KLHL32: variants seen among roughly 807,000 people sequenced by gnomAD.
The protein encoded by KLHL32 is kelch-like protein 32.
KLHL32 carries 35 observed loss-of-function variants against 64.8 expected under a neutral mutation model. The observed-to-expected ratio is 0.54, with a 90% confidence interval of 0.41 to 0.72. The LOEUF (loss-of-function observed/expected upper bound fraction) is 0.72, where lower values mean the gene tolerates loss of function less well. KLHL32 is among the 30% of genes least tolerant of loss of function. The pLI is 0.00. For missense variants in KLHL32, 589 were observed against 768.5 expected (o/e 0.77, Z 2.76); for synonymous variants, 259 against 281.0 (o/e 0.92, Z 0.78).
In KLHL32 at chr6:96,933,792, A is replaced by G. The variant is rs569476836; in HGVS notation, c.-66+8766A>G. Among the ~76,000 whole-genome samples the G allele has an allele frequency of 5.3e-4, 80 of 152,308 alleles. 2 individuals carry two copies. Among genetic ancestry groups the G allele is most frequent in the Non-Finnish European group, 9.6e-4 (65 of 68,022 alleles). On this transcript the variant is annotated intron_variant, in intron 1 of 10. Coordinates refer to ENST00000369261, the MANE Select transcript of KLHL32 (RefSeq NM_052904.4). ...GGTTAATAAGGCCTTTTCTTTAGGC[A>G]GCAGTCACTCATGGTGGCTTGAGTC...
chr6:97,055,409 T>C (rs1787636220), intron 4 of KLHL32, among the ~76,000 whole-genome samples: 2 of 152,106 alleles, frequency 1.3e-5, no homozygotes, highest in South Asian at 4.1e-4. Context: ...CCAGATCCAC[T>C]CCCTCCGACT....
At chr6:97,011,809 T>C (rs1175629767) in intron 3 of KLHL32, among the ~76,000 whole-genome samples, 1 of 152,180 alleles carries the variant, frequency 6.6e-6, no homozygotes, top group East Asian at 1.9e-4. Flanking sequence ...AAGGAAATAA[T>C]GATTGTTATT....
chr6:97,037,614 G>A (rs143981124), intron 3 of KLHL32, among the ~76,000 whole-genome samples: 1,939 of 152,134 alleles, frequency 0.013, 16 homozygotes, highest in Non-Finnish European at 0.02. Context: ...ATCCAAAGTA[G>A]TTTACAGATT....
chr6:96,981,552 C>T (rs1776313852), intron 3 of KLHL32, among the ~76,000 whole-genome samples: 1 of 152,016 alleles, frequency 6.6e-6, no homozygotes, highest in South Asian at 2.1e-4. Context: ...CAATTTCCTT[C>T]AGTTCAGCAT....
chr6:97,034,570 G>A (rs1264268273), intron 3 of KLHL32, among the ~76,000 whole-genome samples: 1 of 151,670 alleles, frequency 6.6e-6, no homozygotes, highest in Non-Finnish European at 1.5e-5. Context: ...TTTTGATAGG[G>A]GTTGTGTTGA....
At chr6:97,022,514 G>C (rs1463579073) in intron 3 of KLHL32, among the ~76,000 whole-genome samples, 1 of 146,220 alleles carries the variant, frequency 6.8e-6, no homozygotes, top group Non-Finnish European at 1.5e-5. Context: ...TTGTTGCCCA[G>C]GCTGGAGTGC....
chr6:97,027,045 C>T (rs1198697115), intron 3 of KLHL32, among the ~76,000 whole-genome samples: 1 of 151,736 alleles, frequency 6.6e-6, no homozygotes, highest in Non-Finnish European at 1.5e-5. Flanking sequence ...ACCTGTAGTC[C>T]CAGCTACTCG....
rs76984995 is a variant in KLHL32, at chr6:97,108,189, A to G, written c.628-5594A>G. On this transcript the variant is annotated intron_variant, in intron 6 of 10. Transcript: ENST00000369261. ...CTTTTCCACTCTTGCTGGCTTGGCC[A>G]CCAAAAATGCTGCATGCTCCATTTT... Among the ~76,000 whole-genome samples, 497 of 152,266 alleles carry G rather than the reference A, an allele frequency of 3.3e-3. 3 individuals carry two copies. The highest frequency in any genetic ancestry group is 0.011 in the African/African-American group (470 of 41,538).
At chr6:97,075,275 C>T (rs1331924547) in intron 5 of KLHL32, among the ~76,000 whole-genome samples, 1 of 152,116 alleles carries the variant, frequency 6.6e-6, no homozygotes, top group Non-Finnish European at 1.5e-5. Flanking sequence ...CAAATTGTAT[C>T]ATATACATAT....
intron 3 of KLHL32, among the ~76,000 whole-genome samples, chr6:96,999,848 T>C (rs1778822128): frequency 1.3e-5 from 2 of 152,190 alleles, no homozygotes; most frequent in South Asian, 2.1e-4. Context: ...TTCATAGACA[T>C]TTACCGAGCG....
At chr6:97,085,929 C>A (rs1793349084) in intron 6 of KLHL32, among the ~76,000 whole-genome samples, 1 of 152,186 alleles carries the variant, frequency 6.6e-6, no homozygotes, top group Admixed American at 6.5e-5. Context: ...GCTCCCTTGT[C>A]TAGAGGACAG....
chr6:96,911,816 C>T, the KLHL32 span, among the ~76,000 whole-genome samples: 4 of 77,412 alleles, frequency 5.2e-5, no homozygotes, highest in South Asian at 4.5e-4. Context: ...TCTCCCTGCT[C>T]GGTCCTTCTT....
intron 3 of KLHL32, among the ~76,000 whole-genome samples, chr6:97,037,332 T>C (rs1784443846): frequency 2.6e-5 from 4 of 152,090 alleles, no homozygotes; most frequent in African/African-American, 9.7e-5. Flanking sequence ...CAAGGAATAA[T>C]GGGTCATCAG....
intron 6 of KLHL32, among the ~76,000 whole-genome samples, chr6:97,101,811 C>A (rs1331999852): frequency 2.6e-5 from 4 of 152,162 alleles, no homozygotes; most frequent in African/African-American, 7.2e-5. Context: ...TACTGTATAG[C>A]AAATTTCTTA....
rs79286874 is a variant in KLHL32, at chr6:96,957,324, G to A, written c.-65-9672G>A. Among the ~76,000 whole-genome samples the A allele has an allele frequency of 9.7e-3, 1,474 of 152,236 alleles. 35 individuals are homozygous for A. Among genetic ancestry groups the A allele is most frequent in the African/African-American group, 0.034 (1,414 of 41,542 alleles). On this transcript the variant is annotated intron_variant, in intron 1 of 10. Transcript: ENST00000369261. ...TAAAAGGCAAAAATTAATCACTGGA[G>A]AATGGTCATTTGCTATTGGATTAAG...
intron 3 of KLHL32, among the ~76,000 whole-genome samples, chr6:97,004,605 A>T (rs1455970912): frequency 6.6e-6 from 1 of 151,842 alleles, no homozygotes; most frequent in Non-Finnish European, 1.5e-5. Flanking sequence ...ATGTTTGCTG[A>T]GGGTTTGTTG....
the KLHL32 span, among the ~76,000 whole-genome samples, chr6:96,916,304 TC>T: frequency 3.9e-5 from 6 of 152,196 alleles, no homozygotes; most frequent in African/African-American, 1.4e-4. Flanking sequence ...AGTTAGGTTT[TC>T]AATCTTGTCT....
chr6:96,976,168 C>G lies in KLHL32; in HGVS notation c.195C>G (p.Asp65Glu), dbSNP rs1562207126. 1.9e-6 allele frequency: 3 copies of G among 1,559,448 alleles called. No homozygotes were observed. The highest frequency in any genetic ancestry group is 2.6e-6 in the Non-Finnish European group (3 of 1,146,018). Residue 65 changes from aspartate (D) to glutamate (E), a missense_variant, in exon 3 of 11, where the codon GAC (aspartate) becomes GAG (glutamate). By Grantham distance (45) the Asp-to-Glu change is conservative. Around this residue, in one of 3 missense-constraint regions of KLHL32, gnomAD observed 191 missense variants for 223.3 expected, o/e 0.86. Transcript: ENST00000369261. The part of the protein sequence containing the change: ...AHKAVLAACS[D>E]YFRAMFSLCM... ...AGGCAGTCCTAGCAGCATGCAGTGA[C>G]TATTTCCGGGTAAGTCAGCATTGTT...
At chr6:96,905,714 A>G in the KLHL32 span, among the ~76,000 whole-genome samples, 3 of 152,358 alleles carry the variant, frequency 2.0e-5, no homozygotes, top group Admixed American at 2.0e-4. Flanking sequence ...TTTATATAAC[A>G]AAATACTAAT....
Sources: gnomAD v4.1 joint callset for allele counts (sites outside exome capture counted in the v4.1 genomes callset) on GRCh38, gnomAD v4.1.1 for gene constraint, gnomAD v4.1.1 regional missense constraint, MANE v1.5 for transcripts, NCBI Gene and HGNC (gene_info 2026-07-23, HGNC 2026-07-21) for gene names.